Variants in PCSK2 observed in about 807,000 individuals in gnomAD.
PCSK2 encodes proprotein convertase subtilisin/kexin type 2.
A neutral mutation model predicts 69.7 loss-of-function variants in PCSK2; 14 were observed. The ratio of observed to expected loss-of-function variants is 0.20; its 90% CI spans 0.13 to 0.31. The LOEUF (loss-of-function observed/expected upper bound fraction) is 0.31. Among genes scored for constraint, PCSK2 ranks in the 10% least tolerant of loss-of-function variants. The probability of loss-of-function intolerance (pLI) is 1.00; values close to 1 mark genes in which losing one functional copy is unlikely to be tolerated. For missense variants in PCSK2, 544 were observed against 842.5 expected, an observed-to-expected ratio of 0.65 and a Z score of 4.39; for synonymous variants, 307 against 320.7, an observed-to-expected ratio of 0.96 and a Z score of 0.46.
chr20:17,230,401 A>G (rs1245216605), intron 1 of PCSK2, among the ~76,000 whole-genome samples: 1 of 152,228 alleles, frequency 6.6e-6, no homozygotes, highest in Non-Finnish European at 1.5e-5. Context: ...CTCAGATGAA[A>G]ACCTTAAGGC....
chr20:17,427,479 A>G (rs1227634488), intron 6 of PCSK2, among the ~76,000 whole-genome samples: 1 of 151,922 alleles, frequency 6.6e-6, no homozygotes, highest in Non-Finnish European at 1.5e-5. Context: ...CAATACAGTC[A>G]CCCTGACAGT....
chr20:17,391,759 T>C (rs946325855), intron 5 of PCSK2, among the ~76,000 whole-genome samples: 2 of 152,086 alleles, frequency 1.3e-5, no homozygotes, highest in Admixed American at 1.3e-4. Flanking sequence ...TAGTCCCAGC[T>C]ACTCAGGAGA....
At chr20:17,432,451 C>A (rs1355330367) in intron 7 of PCSK2, among the ~76,000 whole-genome samples, 1 of 152,100 alleles carries the variant, frequency 6.6e-6, no homozygotes, top group Admixed American at 6.5e-5. Context: ...ATTTACATTT[C>A]CATTTTCACT....
chr20:17,359,285 A>G (rs2030311660), intron 3 of PCSK2, among the ~76,000 whole-genome samples: 2 of 152,184 alleles, frequency 1.3e-5, no homozygotes, highest in Admixed American at 1.3e-4. Flanking sequence ...GCTTTTTGGC[A>G]TGGAAGTCCG....
rs1985949364 is a variant in PCSK2, at chr20:17,227,213, T to C, written c.-93T>C. The C allele has an allele frequency of 2.4e-6, 2 of 829,488 alleles. No individual in the cohort carries two copies. Among genetic ancestry groups the C allele is most frequent in the South Asian group, 3.1e-5 (2 of 63,592 alleles). 51.4% of individuals were successfully genotyped at this position (829,488 alleles called of 1,614,324 possible). A position where few individuals can be genotyped will look rare whatever the true frequency, so the allele number is the denominator to read the frequency against. ...TATACAAAGATTTTTTTAAAAACTA[T>C]ATATAAGAATTCTTTATTTGCACCC... On this transcript the variant is annotated 5_prime_UTR_variant, in exon 1 of 12. Coordinates refer to ENST00000262545, the MANE Select transcript of PCSK2 (RefSeq NM_002594.5).
At chr20:17,350,022 T>A (rs768450798) in intron 2 of PCSK2, among the ~76,000 whole-genome samples, 5 of 151,742 alleles carry the variant, frequency 3.3e-5, no homozygotes, top group African/African-American at 4.9e-5. Flanking sequence ...GCCTCCTCCA[T>A]CTCCACATGC....
intron 2 of PCSK2, among the ~76,000 whole-genome samples, chr20:17,351,287 C>T (rs1286327395): frequency 6.6e-6 from 1 of 151,982 alleles, no homozygotes; most frequent in East Asian, 1.9e-4. Context: ...AAAATATTAA[C>T]TAGTACCAAT....
At chr20:17,355,921 G>T (rs1232414671) in intron 2 of PCSK2, among the ~76,000 whole-genome samples, 2 of 152,140 alleles carry the variant, frequency 1.3e-5, no homozygotes, top group African/African-American at 4.8e-5. Flanking sequence ...GGATGAATTT[G>T]CCCAACTTTG....
chr20:17,366,158 C>T (rs2030585465), intron 4 of PCSK2, among the ~76,000 whole-genome samples: 1 of 152,180 alleles, frequency 6.6e-6, no homozygotes, highest in Admixed American at 6.5e-5. Context: ...TTCTGACATG[C>T]TACGCATCTC....
chr20:17,442,298 C>G (rs1031443515), intron 8 of PCSK2, among the ~76,000 whole-genome samples: 7 of 151,658 alleles, frequency 4.6e-5, no homozygotes, highest in African/African-American at 1.7e-4. Flanking sequence ...GCTGACACTT[C>G]CGTCTCCAGG....
intron 10 of PCSK2, among the ~76,000 whole-genome samples, chr20:17,462,582 C>A (rs149043697): frequency 6.6e-6 from 1 of 152,358 alleles, no homozygotes; most frequent in Non-Finnish European, 1.5e-5. Context: ...ATTTTCAATA[C>A]TGAGTTGTCC....
intron 11 of PCSK2, among the ~76,000 whole-genome samples, chr20:17,473,135 C>T (rs145689933): frequency 0.13 from 17,543 of 135,594 alleles, 1,036 homozygotes; most frequent in East Asian, 0.15. Context: ...ACTGTGTCAC[C>T]CAGGCTGGAG....
chr20:17,228,511 G>A (rs1986017386), intron 1 of PCSK2, among the ~76,000 whole-genome samples: 1 of 152,092 alleles, frequency 6.6e-6, no homozygotes, highest in Admixed American at 6.5e-5. Context: ...TGGGGCGAGG[G>A]GAACCCAAAG....
chr20:17,402,357 T>C (rs996847860), intron 5 of PCSK2, among the ~76,000 whole-genome samples: 1 of 152,232 alleles, frequency 6.6e-6, no homozygotes, highest in African/African-American at 2.4e-5. Flanking sequence ...GGCCAAAGGA[T>C]GGAGCTGCTT....
chr20:17,239,771 G>A (rs187036807), intron 1 of PCSK2, among the ~76,000 whole-genome samples: 7 of 151,518 alleles, frequency 4.6e-5, no homozygotes, highest in African/African-American at 1.7e-4. Flanking sequence ...GTAAGCAACT[G>A]GGATTCAATC....
intron 2 of PCSK2, among the ~76,000 whole-genome samples, chr20:17,353,527 C>G (rs2030079869): frequency 6.6e-6 from 1 of 150,810 alleles, no homozygotes; most frequent in Non-Finnish European, 1.5e-5. Context: ...AAAGAGAACA[C>G]TTATACGCTG....
chr20:17,475,483 G>A (rs2284918), intron 11 of PCSK2, among the ~76,000 whole-genome samples: 19,402 of 152,058 alleles, frequency 0.13, 1,191 homozygotes, highest in East Asian at 0.15. Flanking sequence ...CTCTTTTCAC[G>A]TAGCGAAGGA....
chr20:17,417,719 T>C (rs565019921), intron 6 of PCSK2, among the ~76,000 whole-genome samples: 1 of 152,276 alleles, frequency 6.6e-6, no homozygotes, highest in Admixed American at 6.5e-5. Context: ...GAGTGTACGA[T>C]ATGTTTATTT....
intron 5 of PCSK2, among the ~76,000 whole-genome samples, chr20:17,375,461 C>T (rs1196087265): frequency 2.0e-5 from 3 of 152,136 alleles, no homozygotes; most frequent in Admixed American, 6.5e-5. Flanking sequence ...GAAGGATGCC[C>T]CCGAGGAAGC....
Sources: allele counts gnomAD v4.1 joint callset (sites outside exome capture counted in the v4.1 genomes callset), GRCh38; gene constraint gnomAD v4.1.1; transcripts MANE v1.5; gene names NCBI Gene and HGNC (gene_info 2026-07-23, HGNC 2026-07-21).